The following GABRG2 variants were observed in gnomAD, a reference collection of about 807,000 sequenced individuals.
GABRG2 encodes the protein gamma-aminobutyric acid receptor subunit gamma-2.
A neutral mutation model predicts 56.4 loss-of-function variants in GABRG2; 16 were observed. The observed-to-expected ratio is 0.28, with a 90% CI of 0.19 to 0.43. GABRG2 has a LOEUF of 0.43. Ranked by LOEUF, GABRG2 falls within the 20% of genes least tolerant of loss-of-function variation. GABRG2 has a pLI of 1.00. For synonymous variants in GABRG2, 208 were observed against 205.5 expected, an observed-to-expected ratio of 1.01 and a Z score of -0.10; for missense variants, 327 against 582.7, an observed-to-expected ratio of 0.56 and a Z score of 4.52.
intron 6 of GABRG2, among the ~76,000 whole-genome samples, chr5:162,140,846 G>A (rs1426490198): frequency 6.6e-6 from 1 of 152,062 alleles, no homozygotes; most frequent in Admixed American, 6.5e-5. Flanking sequence ...AATTTTACTT[G>A]GGATGATTCA....
At chr5:162,091,813 G>C (rs1001003825) in intron 1 of GABRG2, among the ~76,000 whole-genome samples, 1 of 151,848 alleles carries the variant, frequency 6.6e-6, no homozygotes, top group African/African-American at 2.4e-5. Flanking sequence ...TTTATTTGTT[G>C]GCATAAGGAG....
intron 6 of GABRG2, among the ~76,000 whole-genome samples, chr5:162,111,034 C>T (rs1022853960): frequency 3.9e-5 from 6 of 152,058 alleles, no homozygotes; most frequent in Admixed American, 2.6e-4. Flanking sequence ...CTAAAGTCCT[C>T]GTCCTCAGTA....
chr5:162,067,958 A>T lies in GABRG2; in HGVS notation c.-42A>T. On this transcript the variant is annotated 5_prime_UTR_variant, in exon 1 of 10. Coordinates refer to ENST00000639213, the MANE Select transcript of GABRG2 (RefSeq NM_198904.4). ...ATACAAAGGGGAGGGATTCTTCTGCAACCAAGAGGCAAGAGGCGAGAGAAG... is the reference window on the plus strand; with the variant it reads ...ATACAAAGGGGAGGGATTCTTCTGCTACCAAGAGGCAAGAGGCGAGAGAAG... 7.3e-7 allele frequency: 1 copy of T among 1,371,304 alleles called. No homozygotes were observed. Among genetic ancestry groups the T allele is most frequent in the Non-Finnish European group, 1.0e-6 (1 of 962,770 alleles). 84.9% of individuals were successfully genotyped at this position (1,371,304 alleles called of 1,614,324 possible).
chr5:162,148,395 A>G (rs1765115173), intron 7 of GABRG2, among the ~76,000 whole-genome samples: 1 of 151,994 alleles, frequency 6.6e-6, no homozygotes, highest in African/African-American at 2.4e-5. Flanking sequence ...AATATTACCT[A>G]TTATGTTACT....
At chr5:162,085,769 T>A (rs1438724523) in intron 1 of GABRG2, among the ~76,000 whole-genome samples, 1 of 151,746 alleles carries the variant, frequency 6.6e-6, no homozygotes, top group Non-Finnish European at 1.5e-5. Context: ...GTGTTGCTCC[T>A]CTCTATTTGT....
At chr5:162,150,069 G>A (rs182601849) in intron 8 of GABRG2, 2 of 155,746 alleles carry the variant, frequency 1.3e-5, no homozygotes, top group East Asian at 1.9e-4. Context: ...ATTGTCACCA[G>A]ATAATTTCTA....
rs61735412 is a variant in GABRG2 at position 162,097,664 on chromosome 5, G to T, written c.354G>T (p.Ala118=). 1 of 1,612,788 alleles carries T rather than the reference G, an allele frequency of 6.2e-7. No homozygotes were observed. Among genetic ancestry groups the T allele is most frequent in the African/African-American group, 1.3e-5 (1 of 74,884 alleles). Residue 118 remains alanine, a synonymous_variant, in exon 4 of 10, where the codon GCG becomes GCT. Transcript: ENST00000639213. ...NMEYTIDIFF[A]QTWYDRRLKF... is the part of the protein sequence containing the mutation. ...AATACACTATTGATATATTTTTTGC[G>T]CAAACGTGGTATGACAGACGTTTGA... is the stretch of plus-strand genomic sequence containing the variant.
Position 162,101,277 on chromosome 5 carries a change from T to C in GABRG2, c.591T>C (p.Phe197=). 1 of 1,611,680 alleles carries C rather than the reference T, an allele frequency of 6.2e-7. No homozygotes were observed. Among genetic ancestry groups the C allele is most frequent in the Non-Finnish European group, 8.5e-7 (1 of 1,177,994 alleles). ...AGTGCCAATTACAATTGCACAACTT[T>C]CCAATGGATGAACACTCCTGCCCCT... ...DAECQLQLHN[F]PMDEHSCPLE... The change falls in exon 5 of 10, where the codon TTT becomes TTC. Residue 197 remains phenylalanine, a synonymous_variant. Transcript: ENST00000639213.
In GABRG2 at chr5:162,149,378, A is replaced by T. The variant is rs1765197591; in HGVS notation, c.1128+65A>T. On this transcript the variant is annotated intron_variant, in intron 8 of 9. Coordinates refer to ENST00000639213, the MANE Select transcript of GABRG2 (RefSeq NM_198904.4). ...GATTTCGGTTTAGTTTGTTTTCATT[A>T]GCCTATCTGCAGGCTAAGGCTCAGC... The T allele has an allele frequency of 6.7e-6, 10 of 1,482,110 alleles. 1 individual carries two copies. The Middle Eastern group carries it at 6.9e-4, about 102-fold the overall frequency. 91.8% of individuals were successfully genotyped at this position (1,482,110 alleles called of 1,614,324 possible).
intron 4 of GABRG2, chr5:162,098,091 G>T (rs1761135938): frequency 1.8e-6 from 1 of 544,716 alleles, no homozygotes; most frequent in East Asian, 3.2e-5. Context: ...CACAACTGCT[G>T]TGAAAACTAT....
intron 6 of GABRG2, among the ~76,000 whole-genome samples, chr5:162,111,572 A>G (rs1581381743): frequency 1.3e-5 from 2 of 152,170 alleles, no homozygotes; most frequent in Non-Finnish European, 2.9e-5. Flanking sequence ...ATGTAGCTCA[A>G]TTTTGGGTTA....
intron 6 of GABRG2, among the ~76,000 whole-genome samples, chr5:162,138,909 A>T (rs951727400): frequency 6.6e-6 from 1 of 152,124 alleles, no homozygotes; most frequent in East Asian, 1.9e-4. Flanking sequence ...TGGAATCTTC[A>T]AGTTTTTAAG....
At chr5:162,105,104 T>C (rs1761702691) in intron 6 of GABRG2, among the ~76,000 whole-genome samples, 1 of 152,218 alleles carries the variant, frequency 6.6e-6, no homozygotes, top group South Asian at 2.1e-4. Flanking sequence ...ACCTGATTAT[T>C]TTCTAGAATT....
chr5:162,107,627 T>C (rs1383005309), intron 6 of GABRG2, among the ~76,000 whole-genome samples: 2 of 152,212 alleles, frequency 1.3e-5, no homozygotes, highest in East Asian at 3.8e-4. Flanking sequence ...GGTGGGTCGA[T>C]AAGATTTGAA....
chr5:162,091,020 T>A (rs1411221625), intron 1 of GABRG2, among the ~76,000 whole-genome samples: 2 of 152,152 alleles, frequency 1.3e-5, no homozygotes, highest in East Asian at 3.9e-4. Context: ...TTCCTTTTTT[T>A]AAAGACAAAT....
intron 1 of GABRG2, among the ~76,000 whole-genome samples, chr5:162,072,172 A>C (rs1288022295): frequency 6.6e-6 from 1 of 151,946 alleles, no homozygotes; most frequent in Non-Finnish European, 1.5e-5. Flanking sequence ...TACTTCAAAA[A>C]ATTGTTTCAT....
chr5:162,131,184 C>T (rs1175256795), intron 6 of GABRG2, among the ~76,000 whole-genome samples: 2 of 151,872 alleles, frequency 1.3e-5, no homozygotes, highest in Non-Finnish European at 2.9e-5. Flanking sequence ...AGGAGTGTCC[C>T]CCACAGCAAG....
Position 162,101,274 on chromosome 5 carries a change from C to T in GABRG2, c.588C>T (p.Asn196=), listed in dbSNP as rs211037. 0.26 allele frequency: 413,826 copies of T among 1,603,060 alleles called. 58,206 individuals are homozygous for T. The highest frequency in any genetic ancestry group is 0.56 in the East Asian group (25,261 of 44,718). The part of the protein sequence containing the change: ...IDAECQLQLH[N]FPMDEHSCPL... ...CTGAGTGCCAATTACAATTGCACAACTTTCCAATGGATGAACACTCCTGCC... is the reference window on the plus strand; with the variant it reads ...CTGAGTGCCAATTACAATTGCACAATTTTCCAATGGATGAACACTCCTGCC... The change falls in exon 5 of 10, where the codon AAC becomes AAT. Residue 196 remains asparagine (N), a synonymous_variant. Coordinates refer to ENST00000639213, the MANE Select transcript of GABRG2 (RefSeq NM_198904.4).
At chr5:162,108,089 A>C (rs950555240) in intron 6 of GABRG2, among the ~76,000 whole-genome samples, 2 of 152,220 alleles carry the variant, frequency 1.3e-5, no homozygotes, top group Non-Finnish European at 2.9e-5. Flanking sequence ...ATTTACTATT[A>C]ACACAGATGG....
Sources: gnomAD v4.1 joint callset for allele counts (sites outside exome capture counted in the v4.1 genomes callset) on GRCh38, gnomAD v4.1.1 for gene constraint, MANE v1.5 for transcripts, NCBI Gene and HGNC (gene_info 2026-07-23, HGNC 2026-07-21) for gene names.